Variants in GTF3C2 observed in about 807,000 individuals in gnomAD.
The protein encoded by GTF3C2 is general transcription factor IIIC subunit 2, also known as general transcription factor 3C polypeptide 2.
In GTF3C2, 17 loss-of-function variants were observed where a neutral mutation model predicts 117.4. The ratio of observed to expected loss-of-function variants is 0.14; its 90% CI spans 0.10 to 0.22. GTF3C2 has a LOEUF of 0.22. Ranked by LOEUF, GTF3C2 falls within the 10% of genes least tolerant of loss-of-function variation. GTF3C2 has a pLI of 1.00. For missense variants in GTF3C2, 888 were observed against 1,143.6 expected (o/e 0.78, Z 3.22); for synonymous variants, 437 against 427.0 (o/e 1.02, Z -0.29).
At chr2:27,351,645 TA>T (rs981259580) in intron 1 of GTF3C2, among the ~76,000 whole-genome samples, 2 of 152,180 alleles carry the variant, frequency 1.3e-5, no homozygotes, top group Non-Finnish European at 2.9e-5. Flanking sequence ...TTCTCCTCTC[TA>T]AAATCAGATT....
exon 2 of GTF3C2, chr2:27,343,543 G>A (rs530448963): frequency 6.8e-6 from 11 of 1,613,792 alleles, no homozygotes; most frequent in East Asian, 2.2e-5. Context: ...AGCCGACCCC[G>A]CAGGTATCCA....
chr2:27,347,020 T>C (rs760958771), intron 1 of GTF3C2, among the ~76,000 whole-genome samples: 8 of 152,162 alleles, frequency 5.3e-5, no homozygotes, highest in African/African-American at 7.2e-5. Flanking sequence ...CATTGAAGAA[T>C]TGACTAAATT....
Position 27,333,646 on chromosome 2 carries a change from T to G in GTF3C2, c.1732+9A>C, listed in dbSNP as rs1265947077. 1.8e-5 allele frequency: 29 copies of G among 1,591,086 alleles called. No individual in the cohort carries two copies. Among genetic ancestry groups the G allele is most frequent in the Non-Finnish European group, 2.5e-5 (29 of 1,169,220 alleles). Reference sequence around the variant, plus strand: ...AATAGTTCCTTATGTTTTATTTTGGTTTTTTTACCATTATAATATCCAGCA... The same window carrying G: ...AATAGTTCCTTATGTTTTATTTTGGGTTTTTTACCATTATAATATCCAGCA... On this transcript the variant is annotated intron_variant, in intron 12 of 18. Transcript: ENST00000264720.
chr2:27,351,741 G>C (rs895307937), intron 1 of GTF3C2, among the ~76,000 whole-genome samples: 1 of 152,122 alleles, frequency 6.6e-6, no homozygotes, highest in Admixed American at 6.6e-5. Flanking sequence ...TCCAGACAAT[G>C]AAATTTCTCA....
chr2:27,342,870 A>G (rs765737400), exon 3 of GTF3C2: 1 of 1,614,140 alleles, frequency 6.2e-7, no homozygotes. Context: ...AAGGGGTCTC[A>G]AAGTCCTCAG....
At chr2:27,337,597 T>C (rs748365097) in intron 5 of GTF3C2, 39 bp from the exon 6 acceptor site, 11 of 1,332,164 alleles carry the variant, frequency 8.3e-6, no homozygotes, top group Non-Finnish European at 1.2e-5. Context: ...GGAGAGGGAT[T>C]CTACAGCCGC....
At chr2:27,336,686 G>A in intron 7 of GTF3C2, 1 of 411,532 alleles carries the variant, frequency 2.4e-6, no homozygotes, top group South Asian at 3.2e-5. Context: ...ACGGTTCACT[G>A]CAGCCGTGAC....
At chr2:27,335,376 G>A in intron 10 of GTF3C2, 1 of 678,750 alleles carries the variant, frequency 1.5e-6, no homozygotes, top group East Asian at 2.9e-5. Flanking sequence ...GAGGGAAGAA[G>A]GGGGAGATAA....
intron 18 of GTF3C2, 111 bp from the exon 19 acceptor site, chr2:27,327,004 C>A: frequency 1.4e-6 from 1 of 733,200 alleles, no homozygotes; most frequent in Non-Finnish European, 2.3e-6. Flanking sequence ...AAGGACAGGA[C>A]CATGAGGGGT....
chr2:27,331,515 C>T lies in GTF3C2; in HGVS notation c.1733-1992G>A, dbSNP rs905235844. 1.1e-4 allele frequency among the ~76,000 whole-genome samples: 17 copies of T among 152,130 alleles called. 1 individual carries two copies. Among genetic ancestry groups the T allele is most frequent in the Admixed American group, 9.8e-4 (15 of 15,282 alleles). ...TAATTTTTGTATTTTTTAGTAGAGA[C>T]AGGGTTTCACCATGTTGGCCAGGAT... On this transcript the variant is annotated intron_variant, in intron 12 of 18. Transcript: ENST00000264720.
chr2:27,331,767 C>T (rs1680278794), intron 12 of GTF3C2, among the ~76,000 whole-genome samples: 2 of 152,034 alleles, frequency 1.3e-5, no homozygotes, highest in South Asian at 4.1e-4. Context: ...GGCGAAACCC[C>T]GTCTCTACAA....
At chr2:27,352,409 A>G (rs1681169304) in intron 1 of GTF3C2, among the ~76,000 whole-genome samples, 1 of 152,192 alleles carries the variant, frequency 6.6e-6, no homozygotes. Flanking sequence ...CTTTTTGCCA[A>G]GTAAGCTAAT....
rs1182320166 is a variant in GTF3C2, at chr2:27,335,799, G to T, written c.1468-93C>A. 4.6e-6 allele frequency: 5 copies of T among 1,088,258 alleles called. No individual in the cohort carries two copies. In the African/African-American group the frequency reaches 4.7e-5, roughly 10 times the overall value. The allele number at this position is 1,088,258 out of a possible 1,614,324, so 67.4% of individuals were successfully genotyped here. The stretch of plus-strand genomic sequence containing the variant: ...AGTCCCTGAAATACTGTATGAAGTT[G>T]CTGGAAAAACTCCATCCACTACACT... On this transcript the variant is annotated intron_variant, in intron 9 of 18. Coordinates refer to ENST00000264720, the Ensembl canonical transcript of GTF3C2.
chr2:27,328,591 A>C, exon 16 of GTF3C2: 1 of 1,611,154 alleles, frequency 6.2e-7, no homozygotes, highest in Non-Finnish European at 8.5e-7. Context: ...CGGATCCTGA[A>C]AGACTCTAAT....
chr2:27,344,025 ATT>A (rs556013357), intron 1 of GTF3C2, among the ~76,000 whole-genome samples: 2 of 145,734 alleles, frequency 1.4e-5, no homozygotes, highest in Non-Finnish European at 3.0e-5. Flanking sequence ...TAAAGCTTCC[ATT>A]TTTTTTTTTT....
At chr2:27,350,082 T>C (rs1558623991) in intron 1 of GTF3C2, among the ~76,000 whole-genome samples, 1 of 152,254 alleles carries the variant, frequency 6.6e-6, no homozygotes, top group East Asian at 1.9e-4. Context: ...TTTTAATCAA[T>C]GACAAAGTAG....
Position 27,329,544 on chromosome 2 carries a change from G to C in GTF3C2, c.1733-21C>G. On this transcript the variant is annotated intron_variant, in intron 12 of 18. Transcript: ENST00000264720. This position sits in a 1 kb window ranked among gnomAD's most constrained non-coding sequence, Gnocchi z 4.5. Reference sequence around the variant, plus strand: ...CATGCCTGAAATAAGGACAGAATGTGTGAGCATTAAAAGCAAGTTCTCTCT... The same window carrying C: ...CATGCCTGAAATAAGGACAGAATGTCTGAGCATTAAAAGCAAGTTCTCTCT... The C allele has an allele frequency of 6.2e-7, 1 of 1,612,260 alleles. No individual in the cohort carries two copies. The highest frequency in any genetic ancestry group is 8.5e-7 in the Non-Finnish European group (1 of 1,178,912).
intron 7 of GTF3C2, chr2:27,336,671 G>C: frequency 2.2e-6 from 1 of 446,718 alleles, no homozygotes; most frequent in East Asian, 4.1e-5. Context: ...GCAGTGGCAT[G>C]ATCGACGGTT....
chr2:27,328,374 C>T, intron 16 of GTF3C2, 94 bp downstream of exon 16: 1 of 1,329,916 alleles, frequency 7.5e-7, no homozygotes. Context: ...GATATCAGGG[C>T]CGGGAGACCT....
Sources: gnomAD v4.1 joint callset for allele counts (sites outside exome capture counted in the v4.1 genomes callset) on GRCh38, gnomAD v4.1.1 for gene constraint, Gnocchi (gnomAD v3.1) non-coding constraint, MANE v1.5 for transcripts, NCBI Gene and HGNC (gene_info 2026-07-23, HGNC 2026-07-21) for gene names.